Variants in MTHFSD observed in about 807,000 individuals in gnomAD.
MTHFSD encodes methenyltetrahydrofolate synthetase domain containing.
Under a neutral mutation model 31.1 loss-of-function variants are expected in MTHFSD, and 37 were observed. The observed-to-expected ratio is 1.19, with a 90% CI of 0.91 to 1.56. The LOEUF (loss-of-function observed/expected upper bound fraction) is 1.56. Ranked by LOEUF, MTHFSD falls within the 40% of genes most tolerant of loss-of-function variation. The probability of loss-of-function intolerance (pLI) is 0.00; values close to 1 mark genes in which losing one functional copy is unlikely to be tolerated. For missense variants in MTHFSD, 664 were observed against 510.1 expected (o/e 1.30, Z -2.91); for synonymous variants, 221 against 206.9 (o/e 1.07, Z -0.59).
At chr16:86,539,123 T>C (rs1185972316) in intron 7 of MTHFSD, among the ~76,000 whole-genome samples, 1 of 152,100 alleles carries the variant, frequency 6.6e-6, no homozygotes, top group African/African-American at 2.4e-5. Context: ...TTGCTGAAGA[T>C]GATATGGAGG....
At position 86,531,855 on chromosome 16, in the gene MTHFSD, A is replaced by C; in HGVS notation, c.*156T>G. 1 of 473,984 alleles carries C rather than the reference A, an allele frequency of 2.1e-6. No individual in the cohort carries two copies. The highest frequency in any genetic ancestry group is 3.6e-6 in the Non-Finnish European group (1 of 277,526). 29.4% of individuals were successfully genotyped at this position (473,984 alleles called of 1,614,324 possible). On this transcript the variant is annotated 3_prime_UTR_variant, in exon 8 of 8. Coordinates refer to ENST00000360900, the MANE Select transcript of MTHFSD (RefSeq NM_001159377.2). The surrounding 1 kb of genome is among the most constrained non-coding windows in gnomAD (Gnocchi z 5.5). ...CACTCACAGGAGGGCCTGGGCGTTC[A>C]CTGAGCGGTGACTTCTGAGAAGAAT... is the stretch of plus-strand genomic sequence containing the variant.
chr16:86,539,156 G>A (rs76781532), intron 7 of MTHFSD, among the ~76,000 whole-genome samples: 5 of 152,152 alleles, frequency 3.3e-5, no homozygotes, highest in Non-Finnish European at 5.9e-5. Context: ...GGCTACTTGT[G>A]GGGGGTCTCT....
At chr16:86,535,632 C>T (rs901796478) in intron 7 of MTHFSD, 2 of 469,472 alleles carry the variant, frequency 4.3e-6, no homozygotes, top group Non-Finnish European at 5.6e-6. Context: ...AGTTTAAAAA[C>T]CTGTCCCCTA....
chr16:86,543,997 G>C (rs1288559415), intron 5 of MTHFSD, among the ~76,000 whole-genome samples: 1 of 152,192 alleles, frequency 6.6e-6, no homozygotes, highest in Non-Finnish European at 1.5e-5. Flanking sequence ...ATCTGTCACT[G>C]TCTCTTATCA....
intron 4 of MTHFSD, chr16:86,547,495 C>T (rs1972495291): frequency 4.1e-6 from 4 of 986,080 alleles, no homozygotes; most frequent in South Asian, 9.4e-5. Flanking sequence ...GGGCTTAGTC[C>T]AGGAAACCCT....
intron 6 of MTHFSD, 96 bp from the exon 7 acceptor site, chr16:86,541,918 A>C: frequency 3.9e-6 from 6 of 1,532,632 alleles, no homozygotes; most frequent in Non-Finnish European, 5.3e-6. Flanking sequence ...TGGCTAGAGA[A>C]GCACCCCCAA....
Position 86,530,406 on chromosome 16 carries a change from T to G in MTHFSD, c.*1605A>C, listed in dbSNP as rs970385898. Reference sequence around the variant, plus strand: ...CTGAGGGTGGGGTGGGCGTCAGGCATGGCTGGACACAGGAGTGCCAGTGGT... The same window carrying G: ...CTGAGGGTGGGGTGGGCGTCAGGCAGGGCTGGACACAGGAGTGCCAGTGGT... On this transcript the variant is annotated 3_prime_UTR_variant, in exon 8 of 8. Coordinates refer to ENST00000360900, the MANE Select transcript of MTHFSD (RefSeq NM_001159377.2). 6.6e-6 allele frequency: 1 copy of G among 152,152 alleles called. No homozygotes were observed. Among genetic ancestry groups the G allele is most frequent in the East Asian group, 1.9e-4 (1 of 5,160 alleles). The allele number at this position is 152,152 out of a possible 1,614,324, so 9.4% of individuals were successfully genotyped here.
At position 86,542,441 on chromosome 16, in the gene MTHFSD, T is replaced by C. The variant is rs1163803557; in HGVS notation, c.443-228A>G. On this transcript the variant is annotated intron_variant, in intron 5 of 7. Coordinates refer to ENST00000360900, the MANE Select transcript of MTHFSD (RefSeq NM_001159377.2). The surrounding 1 kb of genome is among the most constrained non-coding windows in gnomAD (Gnocchi z 4.6). ...CACGGCCAATGTCAGGTGGTGAAACTACAATGACGTGAACACTGGACCGTT... is the reference window on the plus strand; with the variant it reads ...CACGGCCAATGTCAGGTGGTGAAACCACAATGACGTGAACACTGGACCGTT... 7.2e-6 allele frequency: 4 copies of C among 551,844 alleles called. No individual in the cohort carries two copies. The highest frequency in any genetic ancestry group is 1.9e-5 in the African/African-American group (1 of 52,750). 34.2% of individuals were successfully genotyped at this position (551,844 alleles called of 1,614,324 possible). A position where few individuals can be genotyped will look rare whatever the true frequency, so the allele number is the denominator to read the frequency against.
chr16:86,532,654 C>T (rs566623217), intron 7 of MTHFSD, 173 bp from the exon 8 acceptor site: 5 of 432,874 alleles, frequency 1.2e-5, no homozygotes, highest in East Asian at 3.6e-5. Context: ...CTCACACAGA[C>T]GATGTCACCA....
chr16:86,537,542 C>G (rs1970878970), intron 7 of MTHFSD, among the ~76,000 whole-genome samples: 1 of 152,108 alleles, frequency 6.6e-6, no homozygotes, highest in African/African-American at 2.4e-5. Context: ...AATTCTTTTT[C>G]AATGAAAGCC....
Position 86,532,338 on chromosome 16 carries a change from A to G in MTHFSD, c.825T>C (p.Val275=). Residue 275 remains valine, a synonymous_variant, in exon 8 of 8, where the codon GTT becomes GTC. Coordinates refer to ENST00000360900, the MANE Select transcript of MTHFSD (RefSeq NM_001159377.2). ...CGGGTGTGTCCGGGGGCCTCCTGCC[A>G]ACACTCAGGGGCACTGTCTGCTGGC... The part of the protein sequence containing the change: ...PGCQQTVPLS[V]GRRPPDTPGP... The G allele has an allele frequency of 6.3e-7, 1 of 1,594,562 alleles. No individual in the cohort carries two copies. The highest frequency in any genetic ancestry group is 8.5e-7 in the Non-Finnish European group (1 of 1,171,302).
At chr16:86,538,966 A>G (rs778340202) in intron 7 of MTHFSD, among the ~76,000 whole-genome samples, 3 of 152,064 alleles carry the variant, frequency 2.0e-5, no homozygotes, top group Non-Finnish European at 4.4e-5. Context: ...AGAGCAGACA[A>G]TGTGCCTTCT....
chr16:86,547,925 T>G lies in MTHFSD; in HGVS notation c.351+539A>C, dbSNP rs1031346932. Reference sequence around the variant, plus strand: ...AAATTCGACTTAACTGTAAAATACATGACCAATTTTATTATAATGCACCCT... The same window carrying G: ...AAATTCGACTTAACTGTAAAATACAGGACCAATTTTATTATAATGCACCCT... On this transcript the variant is annotated intron_variant, in intron 4 of 7. Transcript: ENST00000360900. 7.1e-6 allele frequency: 5 copies of G among 704,316 alleles called. No individual in the cohort carries two copies. In the African/African-American group the frequency reaches 9.5e-5, roughly 13 times the overall value. The allele number at this position is 704,316 out of a possible 1,614,324, so 43.6% of individuals were successfully genotyped here. A position where few individuals can be genotyped will look rare whatever the true frequency, so the allele number is the denominator to read the frequency against.
intron 7 of MTHFSD, among the ~76,000 whole-genome samples, chr16:86,540,535 G>A (rs967640796): frequency 6.6e-5 from 10 of 152,178 alleles, no homozygotes; most frequent in African/African-American, 1.4e-4. Context: ...CTTCTATGAC[G>A]CGCAGGCCTA....
At position 86,532,439 on chromosome 16, in the gene MTHFSD, G is replaced by C. The variant is rs760852190; in HGVS notation, c.724C>G (p.Leu242Val). ...MMEKIPILRS[L>V]RAREQQAGKD... ...CCAGCCTGCTGCTCTCGGGCGCGGA[G>C]GCTCCTCAGTATGGGGATTTTCTCC... is the stretch of plus-strand genomic sequence containing the variant. The change falls in exon 8 of 8, where the codon CTC (leucine) becomes GTC (valine). Residue 242 changes from leucine (L) to valine (V), a missense_variant. Coordinates refer to ENST00000360900, the MANE Select transcript of MTHFSD (RefSeq NM_001159377.2). 13 of 1,463,206 alleles carry C rather than the reference G, an allele frequency of 8.9e-6. No homozygotes were observed. The highest frequency in any genetic ancestry group is 1.4e-5 in the African/African-American group (1 of 69,916). The allele number at this position is 1,463,206 out of a possible 1,614,324, so 90.6% of individuals were successfully genotyped here.
At chr16:86,552,426 C>T in intron 2 of MTHFSD, 1 of 708,292 alleles carries the variant, frequency 1.4e-6, no homozygotes, top group Non-Finnish European at 2.2e-6. Context: ...AGGAAGCAGT[C>T]TAAGTAAGGA....
chr16:86,539,426 G>A lies in MTHFSD; in HGVS notation c.681+2271C>T, dbSNP rs970655358. Among the ~76,000 whole-genome samples the A allele has an allele frequency of 5.3e-5, 8 of 152,322 alleles. No individual in the cohort carries two copies. In the East Asian group the frequency reaches 1.2e-3, roughly 22 times the overall value. ...TATTAACAGCCTACCTCGCATTTGC[G>A]ACAGTGATGTTGACTGCGGCCATGC... On this transcript the variant is annotated intron_variant, in intron 7 of 7. Coordinates refer to ENST00000360900, the MANE Select transcript of MTHFSD (RefSeq NM_001159377.2).
rs1056455016 is a variant in MTHFSD, at chr16:86,530,999, C to T, written c.*1012G>A. ...CCTTTCAAAGAGAAGACCGAGTGTCCCGAGAACATTTTCTTGAAAGCGCGT... is the reference window on the plus strand; with the variant it reads ...CCTTTCAAAGAGAAGACCGAGTGTCTCGAGAACATTTTCTTGAAAGCGCGT... On this transcript the variant is annotated 3_prime_UTR_variant, in exon 8 of 8. Coordinates refer to ENST00000360900, the MANE Select transcript of MTHFSD (RefSeq NM_001159377.2). 6.6e-6 allele frequency: 1 copy of T among 152,144 alleles called. No individual in the cohort carries two copies. The highest frequency in any genetic ancestry group is 6.5e-5 in the Admixed American group (1 of 15,276). The allele number at this position is 152,144 out of a possible 1,614,324, so 9.4% of individuals were successfully genotyped here.
chr16:86,553,998 C>A (rs1386683724), intron 2 of MTHFSD, among the ~76,000 whole-genome samples: 1 of 152,176 alleles, frequency 6.6e-6, no homozygotes, highest in East Asian at 1.9e-4. Context: ...ACGCACCAAT[C>A]AGCATCCTGT....
Sources: allele counts gnomAD v4.1 joint callset (sites outside exome capture counted in the v4.1 genomes callset), GRCh38; gene constraint gnomAD v4.1.1; non-coding constraint Gnocchi (gnomAD v3.1); transcripts MANE v1.5; gene names NCBI Gene and HGNC (gene_info 2026-07-23, HGNC 2026-07-21).